Variants in EXT1 observed in about 807,000 individuals in gnomAD.
EXT1 encodes the protein exostosin glycosyltransferase 1, also known as exostosin-1.
A neutral mutation model predicts 82.5 loss-of-function variants in EXT1; 20 were observed. That is an observed-to-expected ratio of 0.24 (90% CI 0.17 to 0.35). The LOEUF is 0.35. EXT1 is among the 10% of genes least tolerant of loss of function. EXT1 has a pLI of 1.00. For synonymous variants in EXT1, 348 were observed against 350.8 expected (o/e 0.99, Z 0.09); for missense variants, 757 against 936.5 (o/e 0.81, Z 2.50).
rs757839682 is a variant in EXT1 at position 118,052,142 on chromosome 8, C to T, written c.962+57943G>A. Among the ~76,000 whole-genome samples, 130 of 152,114 alleles carry T rather than the reference C, an allele frequency of 8.5e-4. 1 individual carries two copies. Among genetic ancestry groups the T allele is most frequent in the Non-Finnish European group, 3.5e-4 (24 of 68,018 alleles). The stretch of plus-strand genomic sequence containing the variant: ...TTAATAAATGGGAAGGGGAGCTGAA[C>T]GCAAACATGATTAAAACCACTTCCT... On this transcript the variant is annotated intron_variant, in intron 1 of 10. Coordinates refer to ENST00000378204, the MANE Select transcript of EXT1 (RefSeq NM_000127.3).
intron 1 of EXT1, among the ~76,000 whole-genome samples, chr8:117,884,950 G>A (rs1439825478): frequency 6.6e-6 from 1 of 152,140 alleles, no homozygotes. Flanking sequence ...TCAATGGATC[G>A]AAATACAACA....
chr8:117,809,218 AATAT>A (rs71307404), intron 8 of EXT1, among the ~76,000 whole-genome samples: 1,091 of 107,918 alleles, frequency 0.01, 30 homozygotes, highest in African/African-American at 0.02. Context: ...TGTGTGTATA[AATAT>A]ATATATATAT....
In EXT1 at chr8:117,965,617, A is replaced by AT. The variant is rs373351799; in HGVS notation, c.963-128417dup. ...TTTTCTAATACATATGGAATAGAAT[A>AT]TTTTTCTTCCTCTTTCAGTTATTTT... is the stretch of plus-strand genomic sequence containing the variant. On this transcript the variant is annotated intron_variant, in intron 1 of 10. Coordinates refer to ENST00000378204, the MANE Select transcript of EXT1 (RefSeq NM_000127.3). 2.4e-3 allele frequency among the ~76,000 whole-genome samples: 370 copies of AT among 152,278 alleles called. 2 individuals are homozygous for AT. Among genetic ancestry groups the AT allele is most frequent in the African/African-American group, 8.2e-3 (342 of 41,556 alleles).
intron 1 of EXT1, among the ~76,000 whole-genome samples, chr8:117,854,232 C>T (rs774433986): frequency 6.6e-6 from 1 of 152,228 alleles, no homozygotes; most frequent in Non-Finnish European, 1.5e-5. Context: ...AAAGCCACAA[C>T]TGGGCTTCAT....
intron 1 of EXT1, among the ~76,000 whole-genome samples, chr8:117,889,575 T>A (rs915913949): frequency 1.3e-5 from 2 of 152,228 alleles, no homozygotes; most frequent in African/African-American, 4.8e-5. Flanking sequence ...TAGAAAGATA[T>A]GTGTTTTACC....
At chr8:118,078,380 G>A (rs1817248317) in intron 1 of EXT1, among the ~76,000 whole-genome samples, 2 of 151,468 alleles carry the variant, frequency 1.3e-5, no homozygotes, top group South Asian at 4.2e-4. Flanking sequence ...TGTATTTTTA[G>A]TAGAAACGGG....
chr8:118,058,697 C>T (rs1328558360), intron 1 of EXT1, among the ~76,000 whole-genome samples: 1 of 151,756 alleles, frequency 6.6e-6, no homozygotes, highest in Non-Finnish European at 1.5e-5. Flanking sequence ...TATATATGTG[C>T]ATAACATGAT....
At chr8:117,872,026 G>A (rs913063714) in intron 1 of EXT1, among the ~76,000 whole-genome samples, 2 of 152,042 alleles carry the variant, frequency 1.3e-5, no homozygotes, top group Non-Finnish European at 2.9e-5. Context: ...CAGCTACTTG[G>A]GAGGCTGAGG....
chr8:117,946,541 A>C (rs1235484254), intron 1 of EXT1, among the ~76,000 whole-genome samples: 1 of 152,132 alleles, frequency 6.6e-6, no homozygotes, highest in Non-Finnish European at 1.5e-5. Flanking sequence ...CCAAGACACA[A>C]CCAGGGCGCT....
intron 1 of EXT1, among the ~76,000 whole-genome samples, chr8:117,901,226 C>A (rs529216541): frequency 6.6e-6 from 1 of 152,310 alleles, no homozygotes; most frequent in African/African-American, 2.4e-5. Flanking sequence ...GATGGTATAA[C>A]CTTCTACACA....
intron 1 of EXT1, among the ~76,000 whole-genome samples, chr8:118,100,377 G>A (rs769388047): frequency 1.4e-4 from 21 of 152,254 alleles, no homozygotes; most frequent in Non-Finnish European, 2.1e-4. Context: ...TGAACCGGCC[G>A]AGGGAGGCTT....
At chr8:118,039,375 C>T (rs994998929) in intron 1 of EXT1, among the ~76,000 whole-genome samples, 3 of 151,990 alleles carry the variant, frequency 2.0e-5, no homozygotes, top group Non-Finnish European at 4.4e-5. Flanking sequence ...GCCTGGCCAA[C>T]ATGGTGAAAC....
chr8:117,974,163 A>C (rs1370248870), intron 1 of EXT1, among the ~76,000 whole-genome samples: 1 of 152,226 alleles, frequency 6.6e-6, no homozygotes, highest in Admixed American at 6.5e-5. Flanking sequence ...GAAACATAAC[A>C]GATAAGCTCT....
chr8:117,928,858 A>G (rs1813998842), intron 1 of EXT1, among the ~76,000 whole-genome samples: 1 of 152,144 alleles, frequency 6.6e-6, no homozygotes, highest in Non-Finnish European at 1.5e-5. Flanking sequence ...TTACGGAGCA[A>G]GTACTTACGA....
At chr8:117,967,526 A>ACAT (rs3049791) in intron 1 of EXT1, among the ~76,000 whole-genome samples, 114,021 of 151,910 alleles carry the variant, frequency 0.75, 44,202 homozygotes, top group African/African-American at 0.94. Flanking sequence ...ATAAATGGAA[A>ACAT]CATAAAATAT....
intron 1 of EXT1, among the ~76,000 whole-genome samples, chr8:117,957,117 A>G (rs890974172): frequency 1.3e-5 from 2 of 152,192 alleles, no homozygotes; most frequent in Non-Finnish European, 2.9e-5. Flanking sequence ...GCACTGTGTT[A>G]AGAGTCACCA....
intron 1 of EXT1, among the ~76,000 whole-genome samples, chr8:117,917,199 C>T (rs959192207): frequency 7.2e-5 from 11 of 152,076 alleles, no homozygotes; most frequent in Non-Finnish European, 1.5e-4. Flanking sequence ...CCTGGCTGGG[C>T]GCTGTGGCTC....
chr8:117,818,428 G>T lies in EXT1; in HGVS notation c.1632+7C>A. 6.2e-7 allele frequency: 1 copy of T among 1,613,874 alleles called. No individual in the cohort carries two copies. On this transcript the variant is annotated splice_region_variant and intron_variant, in intron 7 of 10. Transcript: ENST00000378204. ...GGTTCCACATATAGGTCCCCTTCGAGTCTTACCTTGCTCTCTCCTTCAATG... is the reference window on the plus strand; with the variant it reads ...GGTTCCACATATAGGTCCCCTTCGATTCTTACCTTGCTCTCTCCTTCAATG...
intron 1 of EXT1, among the ~76,000 whole-genome samples, chr8:118,029,353 G>C (rs995912203): frequency 6.6e-6 from 1 of 152,146 alleles, no homozygotes; most frequent in Non-Finnish European, 1.5e-5. Flanking sequence ...TTGAGCCCAG[G>C]AGTTCAAGGC....
Sources: gnomAD v4.1 joint callset for allele counts (sites outside exome capture counted in the v4.1 genomes callset) on GRCh38, gnomAD v4.1.1 for gene constraint, MANE v1.5 for transcripts, NCBI Gene and HGNC (gene_info 2026-07-23, HGNC 2026-07-21) for gene names.